The following HMGCLL1 variants were observed in gnomAD, a reference collection of about 807,000 sequenced individuals.
HMGCLL1 encodes 3-hydroxymethyl-3-methylglutaryl-CoA lyase, cytoplasmic.
In HMGCLL1, 36 loss-of-function variants were observed where a neutral mutation model predicts 39.1. That is an observed-to-expected ratio of 0.92 (90% CI 0.71 to 1.22). HMGCLL1 has a LOEUF of 1.22. Ranked by LOEUF, HMGCLL1 falls within the 50% of genes most tolerant of loss-of-function variation. HMGCLL1 has a pLI of 0.00. For missense variants in HMGCLL1, 451 were observed against 416.5 expected, an observed-to-expected ratio of 1.08 and a Z score of -0.72; for synonymous variants, 149 against 144.0, an observed-to-expected ratio of 1.03 and a Z score of -0.25.
chr6:55,600,349 T>C, the HMGCLL1 span, among the ~76,000 whole-genome samples: 1 of 152,130 alleles, frequency 6.6e-6, no homozygotes, highest in Admixed American at 6.6e-5. Flanking sequence ...TTGAAAAATA[T>C]ATCAATTTAG....
the HMGCLL1 span, among the ~76,000 whole-genome samples, chr6:55,657,821 A>G: frequency 6.6e-6 from 1 of 151,978 alleles, no homozygotes; most frequent in Non-Finnish European, 1.5e-5. Flanking sequence ...AAAACCAGAT[A>G]CTACATGTTC....
At chr6:55,580,983 A>G (rs561180868), upstream of HMGCLL1, among the ~76,000 whole-genome samples, 14 of 152,324 alleles carry the variant, frequency 9.2e-5, no homozygotes, top group South Asian at 1.0e-3. Flanking sequence ...ATTCTGCAAC[A>G]GGGAACATGA....
At chr6:55,483,945 T>C (rs1439757584) in intron 7 of HMGCLL1, among the ~76,000 whole-genome samples, 1 of 152,184 alleles carries the variant, frequency 6.6e-6, no homozygotes, top group African/African-American at 2.4e-5. Context: ...GTGTCATGGA[T>C]GAACATTTTG....
intron 1 of HMGCLL1, among the ~76,000 whole-genome samples, chr6:55,548,588 T>C (rs1016277901): frequency 6.6e-6 from 1 of 152,050 alleles, no homozygotes; most frequent in African/African-American, 2.4e-5. Flanking sequence ...TTAGCATCTT[T>C]ACCATATGTG....
intron 7 of HMGCLL1, among the ~76,000 whole-genome samples, chr6:55,471,789 C>A (rs1031133907): frequency 4.6e-5 from 7 of 151,602 alleles, no homozygotes; most frequent in South Asian, 4.2e-4. Flanking sequence ...CCACTCAGGT[C>A]AGAAAATTGA....
At chr6:55,665,150 A>G in the HMGCLL1 span, among the ~76,000 whole-genome samples, 2 of 151,666 alleles carry the variant, frequency 1.3e-5, no homozygotes, top group South Asian at 4.1e-4. Flanking sequence ...CAACCTACAT[A>G]TTTTTACATG....
intron 5 of HMGCLL1, among the ~76,000 whole-genome samples, chr6:55,505,025 A>T (rs913655397): frequency 2.6e-5 from 4 of 151,726 alleles, no homozygotes; most frequent in Non-Finnish European, 5.9e-5. Flanking sequence ...ACAGCATTAC[A>T]GTAAATCCTG....
chr6:55,613,958 A>G, the HMGCLL1 span, among the ~76,000 whole-genome samples: 1 of 152,288 alleles, frequency 6.6e-6, no homozygotes, highest in African/African-American at 2.4e-5. Context: ...AAAAAGAAAA[A>G]GCACTAATAC....
intron 1 of HMGCLL1, chr6:55,577,018 T>C (rs1358100271): frequency 3.1e-6 from 5 of 1,606,618 alleles, no homozygotes; most frequent in African/African-American, 2.7e-5. Flanking sequence ...TGAGTGTAGA[T>C]TGTCACTCAA....
upstream of HMGCLL1, among the ~76,000 whole-genome samples, chr6:55,582,546 A>G (rs909191244): frequency 4.6e-5 from 7 of 152,164 alleles, no homozygotes; most frequent in African/African-American, 1.7e-4. Flanking sequence ...CAGTCTTTGC[A>G]GTCTCAACTC....
chr6:55,562,533 C>G (rs1160248898), intron 1 of HMGCLL1, among the ~76,000 whole-genome samples: 1 of 152,064 alleles, frequency 6.6e-6, no homozygotes, highest in Non-Finnish European at 1.5e-5. Context: ...GGAACGGTCT[C>G]CTTTCAGTTC....
chr6:55,674,794 T>C, the HMGCLL1 span, among the ~76,000 whole-genome samples: 2,108 of 152,086 alleles, frequency 0.014, 54 homozygotes, highest in African/African-American at 0.048. Flanking sequence ...ACAGACTTAT[T>C]GTAAGAGCAT....
At chr6:55,649,940 A>G in the HMGCLL1 span, among the ~76,000 whole-genome samples, 10 of 149,882 alleles carry the variant, frequency 6.7e-5, no homozygotes, top group African/African-American at 2.4e-4. Context: ...ATTGTTTTTA[A>G]TTACTTCAAT....
At chr6:55,439,369 T>C in intron 8 of HMGCLL1, 65 bp downstream of exon 8, 6 of 1,516,330 alleles carry the variant, frequency 4.0e-6, no homozygotes, top group Non-Finnish European at 5.4e-6. Flanking sequence ...TCCCACATCT[T>C]AGAAGCTTTG....
At chr6:55,485,245 A>T in intron 7 of HMGCLL1, among the ~76,000 whole-genome samples, 1 of 151,796 alleles carries the variant, frequency 6.6e-6, no homozygotes, top group East Asian at 1.9e-4. Flanking sequence ...CACTTTCTCT[A>T]TTTTTTTGCA....
At chr6:55,664,160 G>A in the HMGCLL1 span, among the ~76,000 whole-genome samples, 1 of 151,814 alleles carries the variant, frequency 6.6e-6, no homozygotes, top group Admixed American at 6.6e-5. Flanking sequence ...GGGGCATTTA[G>A]CCCATTCACA....
chr6:55,554,233 G>C (rs532340391), intron 1 of HMGCLL1, among the ~76,000 whole-genome samples: 2 of 152,238 alleles, frequency 1.3e-5, no homozygotes, highest in South Asian at 4.2e-4. Context: ...CATATGCTTA[G>C]AGGCAAGAGT....
the HMGCLL1 span, among the ~76,000 whole-genome samples, chr6:55,654,841 C>T: frequency 0.76 from 115,173 of 151,686 alleles, 43,784 homozygotes; most frequent in Middle Eastern, 0.8. Flanking sequence ...TAATATTCAC[C>T]TTAGACTCTG....
chr6:55,499,161 T>C (rs1766738760), intron 6 of HMGCLL1, 75 bp downstream of exon 6: 3 of 1,184,210 alleles, frequency 2.5e-6, no homozygotes, highest in African/African-American at 3.1e-5. Context: ...ATTCAATAAA[T>C]ATTAAGAAAG....
Sources: gnomAD v4.1 joint callset for allele counts (sites outside exome capture counted in the v4.1 genomes callset) on GRCh38, gnomAD v4.1.1 for gene constraint, MANE v1.5 for transcripts, NCBI Gene and HGNC (gene_info 2026-07-23, HGNC 2026-07-21) for gene names.